The following OPCML variants were observed in gnomAD, a reference collection of about 807,000 sequenced individuals.
OPCML encodes opioid binding protein/cell adhesion molecule like.
In OPCML, 13 loss-of-function variants were observed where a neutral mutation model predicts 37.8. The observed-to-expected ratio is 0.34, with a 90% CI of 0.22 to 0.55. OPCML has a LOEUF of 0.55. Ranked by LOEUF, OPCML falls within the 20% of genes least tolerant of loss-of-function variation. The pLI is 0.91. For synonymous variants in OPCML, 176 were observed against 168.8 expected, an observed-to-expected ratio of 1.04 and a Z score of -0.33; for missense variants, 341 against 435.6, an observed-to-expected ratio of 0.78 and a Z score of 1.93.
intron 1 of OPCML, among the ~76,000 whole-genome samples, chr11:133,276,062 T>C (rs1035052961): frequency 6.6e-6 from 1 of 152,132 alleles, no homozygotes. Flanking sequence ...ATCCCTAGAT[T>C]CAGTATAAAA....
chr11:132,931,336 G>A (rs779882343), intron 2 of OPCML, among the ~76,000 whole-genome samples: 22 of 152,088 alleles, frequency 1.4e-4, no homozygotes, highest in Non-Finnish European at 2.8e-4. Flanking sequence ...ACAGTAAAAC[G>A]TTAAAGCCTT....
intron 4 of OPCML, among the ~76,000 whole-genome samples, chr11:132,482,091 GA>G (rs1189667290): frequency 6.7e-6 from 1 of 149,640 alleles, no homozygotes; most frequent in Non-Finnish European, 1.5e-5. Context: ...GAAGGAAATA[GA>G]GACACAAAAA....
At chr11:132,741,223 TC>T (rs2136038749) in intron 2 of OPCML, among the ~76,000 whole-genome samples, 1 of 152,286 alleles carries the variant, frequency 6.6e-6, no homozygotes, top group African/African-American at 2.4e-5. Flanking sequence ...CAGCCAGCCT[TC>T]AATTCAGTAC....
rs925457277 is a variant in OPCML at position 132,947,102 on chromosome 11, G to A, written c.62-4092C>T. ...GCATTCAGATCCCTTCCTCTCTCCT[G>A]GACCTGCTGGTTCTATTGCTTCTCA... On this transcript the variant is annotated intron_variant, in intron 1 of 7. Transcript: ENST00000524381. Among the ~76,000 whole-genome samples the A allele has an allele frequency of 2.6e-5, 4 of 152,070 alleles. No homozygotes were observed. The South Asian group carries it at 6.2e-4, about 24-fold the overall frequency.
At chr11:133,182,492 A>G (rs1937880812) in intron 1 of OPCML, among the ~76,000 whole-genome samples, 1 of 152,172 alleles carries the variant, frequency 6.6e-6, no homozygotes, top group Non-Finnish European at 1.5e-5. Flanking sequence ...ACAGGAAAAA[A>G]AGGAAGAGAC....
intron 1 of OPCML, chr11:133,421,102 G>C: frequency 1.0e-6 from 1 of 985,368 alleles, no homozygotes. Context: ...GGTCAGCAGG[G>C]CAGTGTTACC....
intron 2 of OPCML, among the ~76,000 whole-genome samples, chr11:132,789,560 G>C (rs745617811): frequency 3.2e-4 from 49 of 152,166 alleles, no homozygotes; most frequent in Non-Finnish European, 4.1e-4. Context: ...GGACTACTAA[G>C]AGCTGTTTCT....
At chr11:133,381,047 T>G (rs569892991) in intron 1 of OPCML, among the ~76,000 whole-genome samples, 1 of 151,654 alleles carries the variant, frequency 6.6e-6, no homozygotes, top group South Asian at 2.1e-4. Context: ...ACACCCAGAG[T>G]GTGGAGGTAA....
intron 4 of OPCML, among the ~76,000 whole-genome samples, chr11:132,499,819 T>A (rs2096241821): frequency 6.6e-6 from 1 of 152,210 alleles, no homozygotes; most frequent in African/African-American, 2.4e-5. Flanking sequence ...CTATGTTAAC[T>A]GCAGGAAGTT....
At chr11:132,957,294 A>C (rs1477110867) in intron 1 of OPCML, among the ~76,000 whole-genome samples, 1 of 152,148 alleles carries the variant, frequency 6.6e-6, no homozygotes, top group Admixed American at 6.5e-5. Flanking sequence ...AGTCTCCAGA[A>C]AATGGGTGTG....
intron 1 of OPCML, among the ~76,000 whole-genome samples, chr11:133,195,606 T>A (rs546068704): frequency 4.6e-5 from 7 of 152,366 alleles, no homozygotes; most frequent in African/African-American, 9.6e-5. Flanking sequence ...GGTATCTGTG[T>A]AGGATTCAAT....
intron 3 of OPCML, among the ~76,000 whole-genome samples, chr11:132,595,153 G>A (rs2096490499): frequency 1.3e-5 from 2 of 152,030 alleles, no homozygotes; most frequent in African/African-American, 2.4e-5. Context: ...GCTGTGCTGC[G>A]GTTTGTGAGA....
intron 3 of OPCML, among the ~76,000 whole-genome samples, chr11:132,530,796 C>A (rs1466320746): frequency 6.6e-6 from 1 of 152,148 alleles, no homozygotes; most frequent in African/African-American, 2.4e-5. Context: ...CAGTACATGG[C>A]ACACACTGGC....
intron 1 of OPCML, among the ~76,000 whole-genome samples, chr11:132,979,277 C>T (rs1315286393): frequency 1.3e-5 from 2 of 152,204 alleles, no homozygotes; most frequent in African/African-American, 4.8e-5. Context: ...TCATGTCACT[C>T]CTCTGTCCTG....
chr11:132,525,320 C>T (rs143148173), intron 4 of OPCML, among the ~76,000 whole-genome samples: 22 of 152,264 alleles, frequency 1.4e-4, no homozygotes, highest in African/African-American at 4.6e-4. Context: ...GTGATTGTTA[C>T]TATTTTTAAT....
chr11:133,480,913 T>A (rs927666472), intron 1 of OPCML, among the ~76,000 whole-genome samples: 15 of 152,198 alleles, frequency 9.9e-5, no homozygotes, highest in Admixed American at 9.8e-4. Context: ...GTGTATGAAG[T>A]CTCACTTCTG....
chr11:133,438,553 G>C (rs75780975), intron 1 of OPCML, among the ~76,000 whole-genome samples: 2,670 of 152,244 alleles, frequency 0.018, 49 homozygotes, highest in East Asian at 0.055. Flanking sequence ...ACAAAGGATG[G>C]AAAAATGAAT....
At chr11:133,381,868 A>T (rs1944936910) in intron 1 of OPCML, among the ~76,000 whole-genome samples, 1 of 152,216 alleles carries the variant, frequency 6.6e-6, no homozygotes, top group Admixed American at 6.5e-5. Context: ...AGGGTCTTTA[A>T]AAAAGACACT....
intron 3 of OPCML, among the ~76,000 whole-genome samples, chr11:132,576,283 G>A (rs2096450556): frequency 6.6e-6 from 1 of 151,672 alleles, no homozygotes; most frequent in Admixed American, 6.6e-5. Context: ...CACCCATAAT[G>A]CATATAAGTC....
Sources: allele counts gnomAD v4.1 joint callset (sites outside exome capture counted in the v4.1 genomes callset), GRCh38; gene constraint gnomAD v4.1.1; transcripts MANE v1.5; gene names NCBI Gene and HGNC (gene_info 2026-07-23, HGNC 2026-07-21).